The following UBA1 variants were observed in gnomAD, a reference collection of about 807,000 sequenced individuals.
UBA1 encodes the protein ubiquitin like modifier activating enzyme 1.
Under a neutral mutation model 84.7 loss-of-function variants are expected in UBA1, and 4 were observed. The observed-to-expected ratio is 0.05, with a 90% CI of 0.02 to 0.11. The LOEUF (loss-of-function observed/expected upper bound fraction) is 0.11. Ranked by LOEUF, UBA1 falls within the 10% of genes least tolerant of loss-of-function variation. The pLI, the probability that UBA1 is intolerant of heterozygous loss-of-function variation, is 1.00. For synonymous variants in UBA1, 364 were observed against 362.6 expected (o/e 1.00, Z -0.04); for missense variants, 513 against 902.8 (o/e 0.57, Z 5.53).
At chrX:47,202,006 T>A (rs1936433732) in intron 8 of UBA1, 150 bp from the exon 9 acceptor site, 1 of 538,050 alleles carries the variant, frequency 1.9e-6, no homozygotes. Context: ...ACAGGAGAGA[T>A]GGTTTCTGAT....
At chrX:47,195,034 A>G (rs1228103846) in intron 1 of UBA1, among the ~76,000 whole-genome samples, 1 of 111,097 alleles carries the variant, frequency 9.0e-6, no homozygotes, top group Non-Finnish European at 1.9e-5. Context: ...ACCCCACCCT[A>G]GACCCAGCCT....
intron 8 of UBA1, 21 bp from the exon 9 acceptor site, chrX:47,202,135 C>T (rs1179336889): frequency 8.5e-7 from 1 of 1,172,527 alleles, no homozygotes; most frequent in African/African-American, 1.8e-5. Flanking sequence ...AGACTGACAG[C>T]TCTCTTCCTG....
intron 23 of UBA1, among the ~76,000 whole-genome samples, chrX:47,213,481 T>C (rs1164848900): frequency 8.9e-6 from 1 of 112,490 alleles, no homozygotes; most frequent in Non-Finnish European, 1.9e-5. Context: ...CAAATATTTA[T>C]TGAGCACCTT....
intron 1 of UBA1, among the ~76,000 whole-genome samples, chrX:47,196,817 A>C (rs1475232948): frequency 3.6e-5 from 4 of 111,785 alleles, no homozygotes; most frequent in African/African-American, 9.8e-5. Flanking sequence ...GCATGTCCCA[A>C]ACAAACTGAC....
In UBA1 at chrX:47,199,518, C is replaced by G. The variant is rs782618684; in HGVS notation, c.384C>G (p.Ala128=). The change falls in exon 5 of 26, where the codon GCC becomes GCG. Residue 128 remains alanine (A), a synonymous_variant. Coordinates refer to ENST00000335972, the MANE Select transcript of UBA1 (RefSeq NM_003334.4). ...AGGAGGACATCGGTAAAAACCGGGC[C>G]GAGGTATCACAGCCCCGCCTCGCTG... is the stretch of plus-strand genomic sequence containing the variant. ...LREEDIGKNR[A]EVSQPRLAEL... is the part of the protein sequence containing the mutation. 3 of 1,209,968 alleles carry G rather than the reference C, an allele frequency of 2.5e-6. No individual in the cohort carries two copies. Among genetic ancestry groups the G allele is most frequent in the Non-Finnish European group, 3.4e-6 (3 of 895,179 alleles).
intron 1 of UBA1, chrX:47,198,166 G>T: frequency 1.0e-6 from 1 of 961,922 alleles, no homozygotes. Context: ...TGGGTTCTCA[G>T]CAAGTTACCG....
At chrX:47,202,851 C>T in intron 11 of UBA1, 37 bp downstream of exon 11, 7 of 1,198,726 alleles carry the variant, frequency 5.8e-6, no homozygotes, top group Non-Finnish European at 7.9e-6. Flanking sequence ...TTGGGGTGGG[C>T]CAGGTTCCTC....
intron 23 of UBA1, among the ~76,000 whole-genome samples, chrX:47,213,525 C>T (rs1556794219): frequency 8.9e-6 from 1 of 111,900 alleles, no homozygotes; most frequent in East Asian, 2.8e-4. Context: ...TTATGTTCCT[C>T]AAGTAGATTA....
chrX:47,214,876 G>T lies in UBA1; in HGVS notation c.3124G>T (p.Asp1042Tyr). ...GCTGGTGCTTGAGCTGTGCTGTAACGACGAGAGCGGCGAGGATGTCGAGGT... is the reference window on the plus strand; with the variant it reads ...GCTGGTGCTTGAGCTGTGCTGTAACTACGAGAGCGGCGAGGATGTCGAGGT... ...RALVLELCCNDESGEDVEVPY... is the reference protein window; with the variant it reads ...RALVLELCCNYESGEDVEVPY... Residue 1042 changes from aspartate to tyrosine, a missense_variant, in exon 26 of 26, where the codon GAC (aspartate) becomes TAC (tyrosine). Around this residue, in one of 6 missense-constraint regions of UBA1, gnomAD observed 151 missense variants for 260.1 expected, o/e 0.58. Transcript: ENST00000335972. 8.3e-7 allele frequency: 1 copy of T among 1,211,619 alleles called. No homozygotes were observed. Among genetic ancestry groups the T allele is most frequent in the Non-Finnish European group, 1.1e-6 (1 of 895,568 alleles).
In UBA1 at chrX:47,202,368, T is replaced by C. The variant is rs781812274; in HGVS notation, c.920T>C (p.Val307Ala). The C allele has an allele frequency of 3.3e-6, 4 of 1,210,120 alleles. No individual in the cohort carries two copies. The East Asian group carries it at 1.2e-4, about 36-fold the overall frequency. The change falls in exon 10 of 26, where the codon GTG becomes GCG. Residue 307 changes from valine to alanine, a missense_variant. By Grantham distance (64) the Val-to-Ala change is moderately conservative. Coordinates refer to ENST00000335972, the MANE Select transcript of UBA1 (RefSeq NM_003334.4). ...VPKKISFKSL[V>A]ASLAEPDFVV... ...CTCCCCCCGCCACAGAAATCCTTGG[T>C]GGCCTCACTGGCAGAACCTGACTTT...
intron 1 of UBA1, chrX:47,198,312 C>G: frequency 2.1e-6 from 2 of 969,364 alleles, no homozygotes; most frequent in Admixed American, 6.1e-5. Context: ...GTGCCAGGTT[C>G]TATGCTCTGT....
chrX:47,199,683 T>C (rs1381131774), intron 5 of UBA1, 69 bp downstream of exon 5: 11 of 1,145,072 alleles, frequency 9.6e-6, no homozygotes, highest in Non-Finnish European at 1.2e-5. Context: ...TATTCAGTAG[T>C]GTTCAATATT....
At chrX:47,197,151 A>G (rs1246584213) in intron 1 of UBA1, 14 of 753,765 alleles carry the variant, frequency 1.9e-5, no homozygotes, top group African/African-American at 2.3e-5. Flanking sequence ...CAGGGGCTCC[A>G]GCCAGCCTGC....
Position 47,211,101 on chromosome X carries a change from C to T in UBA1, c.2340C>T (p.Gly780=), listed in dbSNP as rs782133148. The change falls in exon 20 of 26, where the codon GGC becomes GGT. Residue 780 remains glycine, a synonymous_variant. Coordinates refer to ENST00000335972, the MANE Select transcript of UBA1 (RefSeq NM_003334.4). The stretch of plus-strand genomic sequence containing the variant: ...TTGCCCAGACCTACGGGCTGACAGG[C>T]TCTCAGGACCGAGCTGCTGTGGCCA... ...NLFAQTYGLT[G]SQDRAAVATF... is the part of the protein sequence containing the mutation. 28 of 1,211,810 alleles carry T rather than the reference C, an allele frequency of 2.3e-5. No homozygotes were observed. The highest frequency in any genetic ancestry group is 8.9e-5 in the East Asian group (3 of 33,837).
chrX:47,204,773 T>TA (rs781931122), intron 14 of UBA1: 4 of 111,561 alleles, frequency 3.6e-5, no homozygotes, highest in Admixed American at 9.5e-5. Context: ...CTGGGTTGGT[T>TA]ATGCAGGGTT....
intron 12 of UBA1, 23 bp from the exon 13 acceptor site, chrX:47,203,111 C>T: frequency 3.3e-6 from 4 of 1,209,658 alleles, no homozygotes; most frequent in African/African-American, 1.7e-5. Flanking sequence ...CCTCTCTAAC[C>T]CTCCTCCCTT....
chrX:47,214,288 G>A (rs782480403), intron 23 of UBA1, 39 bp from the exon 24 acceptor site: 5 of 1,162,183 alleles, frequency 4.3e-6, no homozygotes, highest in Non-Finnish European at 4.7e-6. Context: ...GGACCCTCTG[G>A]GATGGTCTCC....
At chrX:47,203,293 A>C in intron 13 of UBA1, 79 bp downstream of exon 13, 1 of 1,058,536 alleles carries the variant, frequency 9.4e-7, no homozygotes, top group Non-Finnish European at 1.3e-6. Flanking sequence ...CGGCATCTCA[A>C]TGCAACCGGT....
At chrX:47,199,400 C>T in intron 4 of UBA1, 23 bp downstream of exon 4, 1 of 1,211,859 alleles carries the variant, frequency 8.3e-7, no homozygotes, top group Non-Finnish European at 1.1e-6. Context: ...AGCACCCTTC[C>T]CCCTTTCCCC....
Sources: allele counts gnomAD v4.1 joint callset (sites outside exome capture counted in the v4.1 genomes callset), GRCh38; gene constraint gnomAD v4.1.1; regional missense constraint gnomAD v4.1.1; transcripts MANE v1.5; gene names NCBI Gene and HGNC (gene_info 2026-07-23, HGNC 2026-07-21).